RASGRF2: variants seen among roughly 807,000 people sequenced by gnomAD.
RASGRF2 encodes Ras protein specific guanine nucleotide releasing factor 2.
A neutral mutation model predicts 151.0 loss-of-function variants in RASGRF2; 76 were observed. That is an observed-to-expected ratio of 0.50 (90% CI 0.42 to 0.61). The LOEUF (loss-of-function observed/expected upper bound fraction) is 0.61. Ranked by LOEUF, RASGRF2 falls within the 20% of genes least tolerant of loss-of-function variation. The probability of loss-of-function intolerance (pLI) is 0.00; values close to 1 mark genes in which losing one functional copy is unlikely to be tolerated. For missense variants in RASGRF2, 1,148 were observed against 1,564.6 expected, an observed-to-expected ratio of 0.73 and a Z score of 4.49; for synonymous variants, 504 against 566.5, an observed-to-expected ratio of 0.89 and a Z score of 1.57.
intron 2 of RASGRF2, among the ~76,000 whole-genome samples, chr5:81,044,563 C>G (rs933068947): frequency 6.6e-6 from 1 of 152,222 alleles, no homozygotes. Flanking sequence ...CTTATATTTA[C>G]CACCTTCTCT....
intron 1 of RASGRF2, among the ~76,000 whole-genome samples, chr5:80,985,885 A>G (rs1748457439): frequency 6.6e-6 from 1 of 152,030 alleles, no homozygotes; most frequent in South Asian, 2.1e-4. Flanking sequence ...GTTGTGGAAG[A>G]TAAATATAGA....
intron 9 of RASGRF2, among the ~76,000 whole-genome samples, chr5:81,089,165 A>G (rs749709033): frequency 3.3e-5 from 5 of 152,212 alleles, no homozygotes; most frequent in African/African-American, 1.2e-4. Flanking sequence ...TCACTTTTAC[A>G]TAGCACCCTT....
intron 17 of RASGRF2, among the ~76,000 whole-genome samples, chr5:81,131,458 G>A (rs57196120): frequency 0.045 from 6,827 of 152,068 alleles, 515 homozygotes; most frequent in African/African-American, 0.15. Flanking sequence ...AGGTTCAAGC[G>A]ATTCTCCTGT....
intron 18 of RASGRF2, among the ~76,000 whole-genome samples, chr5:81,181,751 C>T (rs1306189513): frequency 6.6e-6 from 1 of 152,134 alleles, no homozygotes; most frequent in Non-Finnish European, 1.5e-5. Flanking sequence ...GGTTCTCTCC[C>T]CTGGCCTCAG....
intron 1 of RASGRF2, among the ~76,000 whole-genome samples, chr5:80,975,559 C>T (rs1332912666): frequency 6.6e-6 from 1 of 152,162 alleles, no homozygotes. Flanking sequence ...AGTCAAATTA[C>T]AACTAATCCT....
intron 1 of RASGRF2, among the ~76,000 whole-genome samples, chr5:81,037,748 G>A (rs1299881891): frequency 6.6e-6 from 1 of 152,038 alleles, no homozygotes; most frequent in African/African-American, 2.4e-5. Flanking sequence ...GAACATTTTT[G>A]AAGATTAAAA....
intron 1 of RASGRF2, among the ~76,000 whole-genome samples, chr5:81,016,339 C>G (rs1302366748): frequency 1.3e-5 from 2 of 152,174 alleles, no homozygotes; most frequent in African/African-American, 2.4e-5. Flanking sequence ...TATGGCAGCT[C>G]AGATTCTCAG....
chr5:81,159,741 C>T (rs1419874069), intron 17 of RASGRF2, among the ~76,000 whole-genome samples: 6 of 152,152 alleles, frequency 3.9e-5, no homozygotes, highest in African/African-American at 9.7e-5. Flanking sequence ...TTAAAAAGAA[C>T]ATATAATTTC....
intron 17 of RASGRF2, among the ~76,000 whole-genome samples, chr5:81,153,331 A>G (rs991710050): frequency 6.6e-6 from 1 of 152,244 alleles, no homozygotes; most frequent in Admixed American, 6.5e-5. Flanking sequence ...GGCAGGTCCA[A>G]TATACTCACA....
chr5:81,205,064 A>G (rs1380605921), intron 19 of RASGRF2, among the ~76,000 whole-genome samples: 2 of 152,220 alleles, frequency 1.3e-5, no homozygotes, highest in African/African-American at 2.4e-5. Context: ...TAACCCTTAC[A>G]TGTAATTTAA....
At chr5:80,972,272 A>G (rs1747962989) in intron 1 of RASGRF2, among the ~76,000 whole-genome samples, 1 of 152,222 alleles carries the variant, frequency 6.6e-6, no homozygotes, top group African/African-American at 2.4e-5. Context: ...ATAGTTTTCC[A>G]AGATAGTTCT....
rs116811549 is a variant in RASGRF2 at position 81,134,231 on chromosome 5, G to A, written c.2686+7068G>A. Reference sequence around the variant, plus strand: ...TTTGATTAATTCAGTAGAAGAATGTGGTTAAAACAGTTGTGTAATCTTAAC... The same window carrying A: ...TTTGATTAATTCAGTAGAAGAATGTAGTTAAAACAGTTGTGTAATCTTAAC... On this transcript the variant is annotated intron_variant, in intron 17 of 26. Coordinates refer to ENST00000265080, the MANE Select transcript of RASGRF2 (RefSeq NM_006909.3). Among the ~76,000 whole-genome samples the A allele has an allele frequency of 2.2e-3, 335 of 152,224 alleles. 2 individuals carry two copies. Among genetic ancestry groups the A allele is most frequent in the African/African-American group, 7.9e-3 (328 of 41,544 alleles).
chr5:81,214,308 G>A (rs1434816059), intron 23 of RASGRF2, among the ~76,000 whole-genome samples: 1 of 152,198 alleles, frequency 6.6e-6, no homozygotes, highest in African/African-American at 2.4e-5. Flanking sequence ...CCTTAGCATG[G>A]GCTAGTGGAC....
intron 19 of RASGRF2, 50 bp downstream of exon 19, chr5:81,201,492 A>G (rs1008883090): frequency 2.6e-6 from 4 of 1,553,826 alleles, no homozygotes; most frequent in African/African-American, 2.8e-5. Context: ...GATTCCTGCT[A>G]TGTTCATAGA....
intron 17 of RASGRF2, among the ~76,000 whole-genome samples, chr5:81,155,222 C>T (rs1754232999): frequency 6.6e-6 from 1 of 152,076 alleles, no homozygotes; most frequent in Non-Finnish European, 1.5e-5. Context: ...GATCTCGAAT[C>T]AGTCATTTAA....
chr5:81,193,322 T>A (rs1755189449), intron 18 of RASGRF2, among the ~76,000 whole-genome samples: 1 of 152,156 alleles, frequency 6.6e-6, no homozygotes, highest in Non-Finnish European at 1.5e-5. Context: ...TGCAGATGAT[T>A]TTTCTGGTGT....
At chr5:81,163,563 G>A (rs1754436146) in intron 17 of RASGRF2, among the ~76,000 whole-genome samples, 1 of 152,054 alleles carries the variant, frequency 6.6e-6, no homozygotes, top group African/African-American at 2.4e-5. Flanking sequence ...AATATCTTCA[G>A]GCAAAGCAGT....
intron 8 of RASGRF2, 127 bp downstream of exon 8, chr5:81,086,038 A>G: frequency 6.9e-7 from 1 of 1,439,306 alleles, no homozygotes; most frequent in Non-Finnish European, 9.2e-7. Flanking sequence ...ATTCACCTGA[A>G]AGTTAAATAG....
chr5:81,036,788 C>G (rs1044367778), intron 1 of RASGRF2, among the ~76,000 whole-genome samples: 1 of 152,112 alleles, frequency 6.6e-6, no homozygotes, highest in Non-Finnish European at 1.5e-5. Context: ...ATGTTACATT[C>G]CTGTGTTGGA....
Sources: gnomAD v4.1 joint callset for allele counts (sites outside exome capture counted in the v4.1 genomes callset) on GRCh38, gnomAD v4.1.1 for gene constraint, MANE v1.5 for transcripts, NCBI Gene and HGNC (gene_info 2026-07-23, HGNC 2026-07-21) for gene names.